BMPR1B: variants seen among roughly 807,000 people sequenced by gnomAD.
BMPR1B encodes bone morphogenetic protein receptor type 1B, also known as bone morphogenetic protein receptor type-1B.
Under a neutral mutation model 59.1 loss-of-function variants are expected in BMPR1B, and 12 were observed. The observed-to-expected ratio is 0.20, with a 90% CI of 0.13 to 0.33. BMPR1B has a LOEUF of 0.33. BMPR1B is among the 10% of genes least tolerant of loss of function. The pLI, the probability that BMPR1B is intolerant of heterozygous loss-of-function variation, is 1.00. For synonymous variants in BMPR1B, 237 were observed against 207.3 expected (o/e 1.14, Z -1.23); for missense variants, 550 against 610.9 (o/e 0.90, Z 1.05).
chr4:94,849,708 G>C (rs1162823937), intron 1 of BMPR1B, among the ~76,000 whole-genome samples: 1 of 151,860 alleles, frequency 6.6e-6, no homozygotes, highest in Non-Finnish European at 1.5e-5. Context: ...TATCCAGTTA[G>C]GGGGAAAGCA....
chr4:94,797,311 G>C (rs1723234426), intron 1 of BMPR1B, among the ~76,000 whole-genome samples: 1 of 152,122 alleles, frequency 6.6e-6, no homozygotes, highest in Non-Finnish European at 1.5e-5. Context: ...TTTGGGTGGG[G>C]ACAGAGCCAA....
At chr4:94,987,136 A>G (rs1474546797) in intron 2 of BMPR1B, among the ~76,000 whole-genome samples, 3 of 143,550 alleles carry the variant, frequency 2.1e-5, no homozygotes, top group Non-Finnish European at 4.5e-5. Flanking sequence ...ATGTATATGT[A>G]ATATATATAA....
At chr4:94,953,689 T>G (rs1389822649) in intron 2 of BMPR1B, among the ~76,000 whole-genome samples, 4 of 152,168 alleles carry the variant, frequency 2.6e-5, no homozygotes, top group African/African-American at 9.7e-5. Flanking sequence ...GCCTTTAACA[T>G]TTTTTCCTTC....
intron 1 of BMPR1B, among the ~76,000 whole-genome samples, chr4:94,839,417 G>A (rs373323055): frequency 0.036 from 5,287 of 146,468 alleles, 318 homozygotes; most frequent in African/African-American, 0.084. Context: ...AGGTCACTCA[G>A]GACTTGCTTT....
chr4:94,983,014 A>G (rs1289812532), intron 2 of BMPR1B, among the ~76,000 whole-genome samples: 3 of 151,960 alleles, frequency 2.0e-5, no homozygotes, highest in Non-Finnish European at 4.4e-5. Flanking sequence ...AAACGAAAAA[A>G]AAATTGTCAC....
intron 2 of BMPR1B, among the ~76,000 whole-genome samples, chr4:94,994,688 T>C (rs993249391): frequency 6.9e-6 from 1 of 144,018 alleles, no homozygotes; most frequent in Non-Finnish European, 1.6e-5. Context: ...TTAATTCTTA[T>C]GTGTAACTTT....
At chr4:94,995,220 T>G (rs990975834) in intron 2 of BMPR1B, among the ~76,000 whole-genome samples, 4 of 152,166 alleles carry the variant, frequency 2.6e-5, no homozygotes, top group Non-Finnish European at 4.4e-5. Context: ...AAAATTAAAT[T>G]TTTAAGTTGT....
intron 1 of BMPR1B, among the ~76,000 whole-genome samples, chr4:94,851,830 T>A (rs1159025920): frequency 2.6e-5 from 4 of 152,160 alleles, no homozygotes; most frequent in Non-Finnish European, 5.9e-5. Context: ...CAAGCATACA[T>A]ATACACAAAT....
At chr4:94,797,825 A>G (rs1723253118) in intron 1 of BMPR1B, among the ~76,000 whole-genome samples, 2 of 152,234 alleles carry the variant, frequency 1.3e-5, no homozygotes, top group Non-Finnish European at 2.9e-5. Context: ...AAACACTCTC[A>G]TGGGCTAAAG....
intron 10 of BMPR1B, among the ~76,000 whole-genome samples, chr4:95,145,848 A>G (rs934675527): frequency 3.3e-5 from 5 of 152,232 alleles, no homozygotes; most frequent in Non-Finnish European, 5.9e-5. Flanking sequence ...TCACAAAATT[A>G]GTTTGCTCAA....
chr4:94,951,835 C>G (rs1729950783), intron 2 of BMPR1B, among the ~76,000 whole-genome samples: 1 of 152,110 alleles, frequency 6.6e-6, no homozygotes, highest in Non-Finnish European at 1.5e-5. Context: ...AGGAATGGTA[C>G]CAGCTCTTCT....
At chr4:94,899,373 A>T (rs1727714564) in intron 2 of BMPR1B, among the ~76,000 whole-genome samples, 1 of 151,730 alleles carries the variant, frequency 6.6e-6, no homozygotes, top group Non-Finnish European at 1.5e-5. Context: ...CACTACAAAG[A>T]TGAGTAAGAT....
chr4:94,846,586 A>G lies in BMPR1B; in HGVS notation c.-182-29245A>G, dbSNP rs1010170746. ...TCCTGCCCTTGAACATCGGACTCCA[A>G]GTTCTTCAGTTTTGGGACTCAGACT... is the stretch of plus-strand genomic sequence containing the variant. On this transcript the variant is annotated intron_variant, in intron 1 of 12. Transcript: ENST00000515059. Among the ~76,000 whole-genome samples, 5 of 152,144 alleles carry G rather than the reference A, an allele frequency of 3.3e-5. No individual in the cohort carries two copies. In the East Asian group the frequency reaches 7.7e-4, roughly 23 times the overall value.
At chr4:95,086,885 AAGAG>A (rs762532743) in intron 3 of BMPR1B, among the ~76,000 whole-genome samples, 1 of 152,172 alleles carries the variant, frequency 6.6e-6, no homozygotes, top group Non-Finnish European at 1.5e-5. Flanking sequence ...GGAAATATGA[AAGAG>A]AGAAGATTTT....
chr4:94,767,084 A>G (rs1721998032), intron 1 of BMPR1B, among the ~76,000 whole-genome samples: 1 of 152,184 alleles, frequency 6.6e-6, no homozygotes, highest in African/African-American at 2.4e-5. Context: ...GCCAGAAGCC[A>G]GATGGACTCA....
chr4:94,836,521 T>C (rs1338532563), intron 1 of BMPR1B, among the ~76,000 whole-genome samples: 1 of 146,644 alleles, frequency 6.8e-6, no homozygotes, highest in Non-Finnish European at 1.5e-5. Context: ...ATGATGAGCA[T>C]TTTTTCATGT....
rs565807704 is a variant in BMPR1B, at chr4:95,037,537, G to A, written c.-18+41403G>A. On this transcript the variant is annotated intron_variant, in intron 3 of 12. Transcript: ENST00000515059. The stretch of plus-strand genomic sequence containing the variant: ...TGAGCTTCTAGCAGATGACTAGTAC[G>A]TTGTATTTGTTCAGTATTCTTTTAA... Among the ~76,000 whole-genome samples, 104 of 152,246 alleles carry A rather than the reference G, an allele frequency of 6.8e-4. 3 individuals are homozygous for A. Among genetic ancestry groups the A allele is most frequent in the African/African-American group, 2.4e-3 (99 of 41,568 alleles).
intron 2 of BMPR1B, among the ~76,000 whole-genome samples, chr4:94,916,465 G>A (rs1728487200): frequency 6.6e-6 from 1 of 152,196 alleles, no homozygotes; most frequent in African/African-American, 2.4e-5. Context: ...GAACTTGGCT[G>A]CATTCTATTC....
chr4:95,041,749 A>G (rs1287109712), intron 3 of BMPR1B, among the ~76,000 whole-genome samples: 1 of 152,028 alleles, frequency 6.6e-6, no homozygotes, highest in Non-Finnish European at 1.5e-5. Flanking sequence ...CAGTATTCTT[A>G]TCTAAATTGG....
Sources: allele counts gnomAD v4.1 joint callset (sites outside exome capture counted in the v4.1 genomes callset), GRCh38; gene constraint gnomAD v4.1.1; transcripts MANE v1.5; gene names NCBI Gene and HGNC (gene_info 2026-07-23, HGNC 2026-07-21).